Variants in ADGRV1 observed in about 807,000 individuals in gnomAD.
ADGRV1 encodes the protein G-protein coupled receptor 98.
ADGRV1 carries 359 observed loss-of-function variants against 596.2 expected under a neutral mutation model. That is an observed-to-expected ratio of 0.60 (90% CI 0.55 to 0.66). ADGRV1 has a LOEUF of 0.66. ADGRV1 is among the 30% of genes least tolerant of loss of function. ADGRV1 has a pLI of 0.00. For synonymous variants in ADGRV1, 2,681 were observed against 2,679.2 expected, an observed-to-expected ratio of 1.00 and a Z score of -0.02; for missense variants, 7,274 against 7,575.6, an observed-to-expected ratio of 0.96 and a Z score of 1.48.
chr5:91,022,816 G>A (rs927455134), intron 85 of ADGRV1, among the ~76,000 whole-genome samples: 2 of 152,090 alleles, frequency 1.3e-5, no homozygotes, highest in African/African-American at 4.8e-5. Context: ...ATGTAATTTA[G>A]TTTCCCTTAA....
intron 82 of ADGRV1, among the ~76,000 whole-genome samples, chr5:90,861,561 G>A (rs185284721): frequency 1.1e-4 from 17 of 150,974 alleles, no homozygotes; most frequent in Admixed American, 6.6e-4. Context: ...TGCCCACCTT[G>A]GCCTCCCAAA....
At chr5:90,887,520 C>T (rs1770422488) in intron 83 of ADGRV1, among the ~76,000 whole-genome samples, 1 of 152,142 alleles carries the variant, frequency 6.6e-6, no homozygotes, top group South Asian at 2.1e-4. Flanking sequence ...GTTTTCATCA[C>T]TGCTGTGCAC....
chr5:90,674,278 G>A (rs756331997), intron 23 of ADGRV1, 44 bp downstream of exon 23: 20 of 1,461,666 alleles, frequency 1.4e-5, no homozygotes, highest in Non-Finnish European at 1.7e-5. Context: ...TTCTCTGGGT[G>A]TACTTAGTTT....
intron 86 of ADGRV1, among the ~76,000 whole-genome samples, chr5:91,087,538 G>A (rs796356381): frequency 2.3e-4 from 35 of 152,158 alleles, no homozygotes; most frequent in African/African-American, 8.0e-4. Flanking sequence ...CTGACCTGAG[G>A]TGATCCACCT....
At chr5:90,863,930 T>C in intron 83 of ADGRV1, 73 bp downstream of exon 83, 5 of 978,284 alleles carry the variant, frequency 5.1e-6, no homozygotes, top group Non-Finnish European at 4.8e-6. Flanking sequence ...TTGAACTGAG[T>C]GTAAAAGTAA....
At chr5:90,593,524 G>A (rs1272516409) in intron 1 of ADGRV1, among the ~76,000 whole-genome samples, 1 of 152,072 alleles carries the variant, frequency 6.6e-6, no homozygotes, top group Non-Finnish European at 1.5e-5. Context: ...GGGTGCAGCA[G>A]ACCAACATGG....
intron 17 of ADGRV1, among the ~76,000 whole-genome samples, chr5:90,651,317 A>G (rs1768584929): frequency 6.6e-6 from 1 of 152,196 alleles, no homozygotes; most frequent in African/African-American, 2.4e-5. Context: ...GTGTTTTTCA[A>G]TAAAATAGTT....
Position 90,848,826 on chromosome 5 carries a change from G to GT in ADGRV1, c.17204+6dup, listed in dbSNP as rs771114701. The GT allele has an allele frequency of 7.7e-5, 121 of 1,572,718 alleles. No individual in the cohort carries two copies. In the East Asian group the frequency reaches 2.8e-3, roughly 37 times the overall value. On this transcript the variant is annotated splice_donor_region_variant and intron_variant, in intron 79 of 89. Coordinates refer to ENST00000405460, the MANE Select transcript of ADGRV1 (RefSeq NM_032119.4). Reference sequence around the variant, plus strand: ...TTGCGGCTCTCCTGGTGAAAAGTAAGTATCTTTTAATATATTAGCAGTACC... The same window carrying GT: ...TTGCGGCTCTCCTGGTGAAAAGTAAGTTATCTTTTAATATATTAGCAGTACC...
At chr5:90,658,549 G>A (rs974289458) in intron 21 of ADGRV1, among the ~76,000 whole-genome samples, 11 of 152,130 alleles carry the variant, frequency 7.2e-5, no homozygotes, top group Non-Finnish European at 1.3e-4. Flanking sequence ...TTCAAAGAAC[G>A]TATGTGTATA....
chr5:91,153,419 G>A (rs373902006), intron 89 of ADGRV1, 21 bp downstream of exon 89: 358 of 1,514,294 alleles, frequency 2.4e-4, no homozygotes, highest in Non-Finnish European at 2.6e-4. Flanking sequence ...ACCCATGAAC[G>A]ACATTAGAAG....
At chr5:90,954,193 C>A (rs1205192378) in intron 83 of ADGRV1, among the ~76,000 whole-genome samples, 1 of 140,946 alleles carries the variant, frequency 7.1e-6, no homozygotes. Context: ...TTTTAACATC[C>A]TATTTATAAA....
chr5:90,723,176 A>T (rs1281763248), intron 45 of ADGRV1, among the ~76,000 whole-genome samples: 1 of 152,152 alleles, frequency 6.6e-6, no homozygotes, highest in African/African-American at 2.4e-5. Flanking sequence ...ATAGAGGTGA[A>T]AGAAGAGAGA....
Position 91,007,152 on chromosome 5 carries a change from CTT to C in ADGRV1, c.18152+21631_18152+21632del, listed in dbSNP as rs1322091998. On this transcript the variant is annotated intron_variant, in intron 85 of 89. Transcript: ENST00000405460. ...AATTAAAATATCTTAGTTTTACAAA[CTT>C]AACAAAAAATCTTCACCAGTTGAAC... Among the ~76,000 whole-genome samples the C allele has an allele frequency of 2.0e-5, 3 of 152,172 alleles. No homozygotes were observed. The East Asian group carries it at 5.8e-4, about 29-fold the overall frequency.
rs532145127 is a variant in ADGRV1 at position 90,718,079 on chromosome 5, C to T, written c.9447+1350C>T. On this transcript the variant is annotated intron_variant, in intron 43 of 89. Transcript: ENST00000405460. ...CACAGCAATGTACAACCATCACCAC[C>T]ATCTATTTCCAAAATTTTTCATCAT... The T allele has an allele frequency of 2.6e-5, 4 of 152,258 alleles. 1 individual carries two copies. The East Asian group carries it at 7.7e-4, about 29-fold the overall frequency. 9.4% of individuals were successfully genotyped at this position (152,258 alleles called of 1,614,324 possible).
intron 83 of ADGRV1, among the ~76,000 whole-genome samples, chr5:90,943,070 T>C (rs912722806): frequency 6.6e-6 from 1 of 152,152 alleles, no homozygotes; most frequent in South Asian, 2.1e-4. Context: ...ATGTGTTCTT[T>C]AGGGTGCTTT....
intron 50 of ADGRV1, among the ~76,000 whole-genome samples, chr5:90,736,195 A>AT (rs58163847): frequency 0.033 from 5,050 of 151,734 alleles, 132 homozygotes; most frequent in South Asian, 0.13. Context: ...AAGGATGTTG[A>AT]TTTTTTTCAA....
intron 87 of ADGRV1, among the ~76,000 whole-genome samples, chr5:91,131,803 T>A (rs1474056715): frequency 6.6e-6 from 1 of 152,196 alleles, no homozygotes; most frequent in Non-Finnish European, 1.5e-5. Flanking sequence ...TTTAATTAGG[T>A]CCCAATTGTC....
At chr5:91,017,929 T>C (rs2151174307) in intron 85 of ADGRV1, among the ~76,000 whole-genome samples, 2 of 151,934 alleles carry the variant, frequency 1.3e-5, no homozygotes, top group Middle Eastern at 6.8e-3. Context: ...ATAACTAAAT[T>C]GTTAACAGAA....
At chr5:90,847,099 C>T (rs1052750682) in intron 78 of ADGRV1, among the ~76,000 whole-genome samples, 8 of 151,676 alleles carry the variant, frequency 5.3e-5, no homozygotes, top group African/African-American at 1.5e-4. Context: ...CATAAAGGTT[C>T]TCCAAGCCCC....
Sources: gnomAD v4.1 joint callset for allele counts (sites outside exome capture counted in the v4.1 genomes callset) on GRCh38, gnomAD v4.1.1 for gene constraint, MANE v1.5 for transcripts, NCBI Gene and HGNC (gene_info 2026-07-23, HGNC 2026-07-21) for gene names.